CRLF2: variants seen among roughly 807,000 people sequenced by gnomAD.
CRLF2 encodes cytokine receptor like factor 2, also known as cytokine receptor-like factor 2.
CRLF2 carries 41 observed loss-of-function variants against 38.7 expected under a neutral mutation model. The observed-to-expected ratio is 1.06, with a 90% CI of 0.83 to 1.37. The LOEUF (loss-of-function observed/expected upper bound fraction) is 1.37, where lower values mean the gene tolerates loss of function less well. Among genes scored for constraint, CRLF2 ranks in the 40% most tolerant of loss-of-function variants. The pLI is 0.00. For synonymous variants in CRLF2, 140 were observed against 128.8 expected, an observed-to-expected ratio of 1.09 and a Z score of -0.59; for missense variants, 377 against 322.2, an observed-to-expected ratio of 1.17 and a Z score of -1.30.
At chrX:1,212,006 GTGGA>G (rs1319141383) in intron 1 of CRLF2, among the ~76,000 whole-genome samples, 1 of 151,066 alleles carries the variant, frequency 6.6e-6, no homozygotes, top group Admixed American at 6.6e-5. Context: ...TGGGTGGATG[GTGGA>G]TGGATGGATG....
At chrX:1,209,247 G>A (rs779051512) in intron 1 of CRLF2, among the ~76,000 whole-genome samples, 6 of 151,650 alleles carry the variant, frequency 4.0e-5, no homozygotes, top group African/African-American at 1.5e-4. Context: ...GATTACAGGC[G>A]TGAGCCACCG....
intron 4 of CRLF2, among the ~76,000 whole-genome samples, chrX:1,200,869 G>T (rs1222533326): frequency 1.0e-4 from 5 of 49,166 alleles, no homozygotes; most frequent in African/African-American, 3.1e-4. Context: ...ATGTGTGTGT[G>T]TACACACACA....
chrX:1,209,417 C>T (rs763785608), intron 1 of CRLF2, among the ~76,000 whole-genome samples: 1 of 151,684 alleles, frequency 6.6e-6, no homozygotes, highest in South Asian at 2.1e-4. Context: ...CTGCAAGCTC[C>T]GCCTCCCGGG....
At position 1,208,828 on chromosome X, in the gene CRLF2, T is replaced by C; in HGVS notation, c.160A>G (p.Thr54Ala). 6.2e-7 allele frequency: 1 copy of C among 1,611,066 alleles called. No homozygotes were observed. Among genetic ancestry groups the C allele is most frequent in the East Asian group, 2.2e-5 (1 of 44,860 alleles). ...TACCTGTAGTGGAAAGTCAGGTTGG[T>C]CCTGGAGTATTTGCTGGCATTCCAT... is the stretch of plus-strand genomic sequence containing the variant. Reference protein sequence around the residue: ...VTWNASKYSRTNLTFHYRFNG... With the variant: ...VTWNASKYSRANLTFHYRFNG... The change falls in exon 2 of 8, where the codon ACC (threonine) becomes GCC (alanine). Residue 54 changes from threonine (T) to alanine (A), a missense_variant. Thr to Ala is a moderately conservative substitution (Grantham distance 58, BLOSUM62 0). Transcript: ENST00000400841.
In CRLF2 at chrX:1,191,116, C is replaced by A. The variant is rs1284658705; in HGVS notation, c.897G>T (p.Met299Ile). ...GGCCACTTTCTTGCTCTGCACCTGC[C>A]ATCTTGTGGAGGTGGGCCACGTTCT... ...DTQNVAHLHK[M>I]AGAEQESGPE... Residue 299 changes from methionine (M) to isoleucine (I), a missense_variant, in exon 8 of 8, where the codon ATG becomes ATT. Coordinates refer to ENST00000400841, the MANE Select transcript of CRLF2 (RefSeq NM_022148.4). 9 of 398,510 alleles carry A rather than the reference C, an allele frequency of 2.3e-5. No individual in the cohort carries two copies. In the Admixed American group the frequency reaches 3.5e-4, roughly 16 times the overall value. 24.7% of individuals were successfully genotyped at this position (398,510 alleles called of 1,614,324 possible). A position where few individuals can be genotyped will look rare whatever the true frequency, so the allele number is the denominator to read the frequency against.
chrX:1,195,053 A>G (rs1370063690), intron 6 of CRLF2, among the ~76,000 whole-genome samples: 2 of 148,708 alleles, frequency 1.3e-5, no homozygotes, highest in African/African-American at 4.9e-5. Context: ...ATAAATAAAT[A>G]TATAAGAAAA....
Position 1,191,166 on chromosome X carries a change from A to G in CRLF2, c.853-6T>C. 2.5e-6 allele frequency: 1 copy of G among 398,726 alleles called. No homozygotes were observed. The highest frequency in any genetic ancestry group is 4.4e-6 in the Non-Finnish European group (1 of 226,164). 24.7% of individuals were successfully genotyped at this position (398,726 alleles called of 1,614,324 possible). A position where few individuals can be genotyped will look rare whatever the true frequency, so the allele number is the denominator to read the frequency against. On this transcript the variant is annotated splice_region_variant and splice_polypyrimidine_tract_variant and intron_variant, in intron 7 of 7. Transcript: ENST00000400841. ...TGGGTGTCTGTGATCCACTCCTACCAGGAAGAACATTCTAGCTCAAACACA... is the reference window on the plus strand; with the variant it reads ...TGGGTGTCTGTGATCCACTCCTACCGGGAAGAACATTCTAGCTCAAACACA...
chrX:1,199,459 C>T (rs2147835151), intron 4 of CRLF2, among the ~76,000 whole-genome samples: 1 of 152,082 alleles, frequency 6.6e-6, no homozygotes, highest in South Asian at 2.1e-4. Context: ...CACCACCATG[C>T]TTGGCTAATT....
chrX:1,205,171 CT>C (rs2086670721), intron 3 of CRLF2, among the ~76,000 whole-genome samples: 1 of 152,214 alleles, frequency 6.6e-6, no homozygotes, highest in Non-Finnish European at 1.5e-5. Context: ...GTCATCTGGT[CT>C]CCCCACTGGG....
chrX:1,210,111 A>AAAAAAAG lies in CRLF2; in HGVS notation c.80-1204_80-1203insCTTTTTT, dbSNP rs1556425587. ...ACAGCAAGACTCCCTATCAAAAAAA[A>AAAAAAAG]AAAAGAAAAGAAAAGAAAAGAAAAG... On this transcript the variant is annotated intron_variant, in intron 1 of 7. Transcript: ENST00000400841. 4.3e-3 allele frequency among the ~76,000 whole-genome samples: 464 copies of AAAAAAAG among 107,828 alleles called. 4 individuals are homozygous for AAAAAAAG. Among genetic ancestry groups the AAAAAAAG allele is most frequent in the Non-Finnish European group, 7.1e-3 (386 of 54,466 alleles). 70.7% of individuals were successfully genotyped at this position (107,828 alleles called of 152,430 possible).
intron 3 of CRLF2, among the ~76,000 whole-genome samples, chrX:1,203,095 CAAAAAAAA>C (rs782280523): frequency 1.5e-5 from 1 of 66,942 alleles, no homozygotes; most frequent in Admixed American, 2.1e-4. Flanking sequence ...GAGACTATCT[CAAAAAAAA>C]AAAAAAAAAA....
chrX:1,211,293 G>GGA (rs1311008013), intron 1 of CRLF2, among the ~76,000 whole-genome samples: 40 of 108,228 alleles, frequency 3.7e-4, no homozygotes, highest in South Asian at 6.4e-4. Context: ...GGATGGATAA[G>GGA]TGGATAAAAG....
chrX:1,191,295 C>CTTTTTTCTTTCTTTCTT (rs1556415440), intron 7 of CRLF2, 135 bp from the exon 8 acceptor site: 1 of 318,742 alleles, frequency 3.1e-6, no homozygotes, highest in Non-Finnish European at 5.3e-6. Context: ...CTTTTCTTTT[C>CTTTTTTCTTTCTTTCTT]TCTTTCTTTC....
chrX:1,197,950 C>T (rs1252480453), intron 5 of CRLF2, among the ~76,000 whole-genome samples: 4 of 152,018 alleles, frequency 2.6e-5, no homozygotes, highest in East Asian at 3.9e-4. Context: ...TGCAGGGAGC[C>T]GAGATCGCGC....
At chrX:1,197,431 G>A (rs2086503848) in intron 5 of CRLF2, among the ~76,000 whole-genome samples, 1 of 151,990 alleles carries the variant, frequency 6.6e-6, no homozygotes, top group Admixed American at 6.6e-5. Context: ...TGTAGCCTTT[G>A]GAGGCTTCTG....
intron 7 of CRLF2, among the ~76,000 whole-genome samples, chrX:1,192,188 G>A (rs1251885787): frequency 2.3e-5 from 3 of 129,396 alleles, no homozygotes; most frequent in Non-Finnish European, 4.8e-5. Flanking sequence ...CTGGGCGACA[G>A]AGCGAGACTC....
At chrX:1,200,853 G>A (rs1285626460) in intron 4 of CRLF2, among the ~76,000 whole-genome samples, 1 of 43,532 alleles carries the variant, frequency 2.3e-5, no homozygotes, top group African/African-American at 6.8e-5. Context: ...ATATATGTGT[G>A]TGTATATGTG....
At chrX:1,195,464 G>T (rs1477793505) in intron 6 of CRLF2, among the ~76,000 whole-genome samples, 1 of 151,822 alleles carries the variant, frequency 6.6e-6, no homozygotes, top group Non-Finnish European at 1.5e-5. Context: ...GTGGAGTGCA[G>T]TGGTGCAATC....
chrX:1,202,513 G>T lies in CRLF2; in HGVS notation c.372C>A (p.His124Gln), dbSNP rs370449284. Residue 124 changes from histidine to glutamine, a missense_variant, in exon 4 of 8, where the codon CAC (histidine) becomes CAA (glutamine). His to Gln is a conservative substitution (Grantham distance 24). Transcript: ENST00000400841. ...CATCCTGATGCCACGAAAATCTCACGTGCTTCGGGGAACTGGGTTTCACTG... is the reference window on the plus strand; with the variant it reads ...CATCCTGATGCCACGAAAATCTCACTTGCTTCGGGGAACTGGGTTTCACTG... ...VYYLKPSSPK[H>Q]VRFSWHQDAV... 1.2e-6 allele frequency: 2 copies of T among 1,613,692 alleles called. No homozygotes were observed. Among genetic ancestry groups the T allele is most frequent in the Non-Finnish European group, 1.7e-6 (2 of 1,179,684 alleles).
Sources: allele counts gnomAD v4.1 joint callset (sites outside exome capture counted in the v4.1 genomes callset), GRCh38; gene constraint gnomAD v4.1.1; transcripts MANE v1.5; gene names NCBI Gene and HGNC (gene_info 2026-07-23, HGNC 2026-07-21).